Variants in ALK observed in about 807,000 individuals in gnomAD.
ALK encodes the protein ALK tyrosine kinase receptor.
A neutral mutation model predicts 163.1 loss-of-function variants in ALK; 74 were observed. That is an observed-to-expected ratio of 0.45 (90% confidence interval 0.38 to 0.55). The LOEUF (loss-of-function observed/expected upper bound fraction) is 0.55, where lower values mean the gene tolerates loss of function less well. Among genes scored for constraint, ALK ranks in the 20% least tolerant of loss-of-function variants. The probability of loss-of-function intolerance (pLI) is 0.00; values close to 1 mark genes in which losing one functional copy is unlikely to be tolerated. For synonymous variants in ALK, 960 were observed against 843.2 expected (o/e 1.14, Z -2.40); for missense variants, 2,063 against 2,105.3 (o/e 0.98, Z 0.39).
Position 29,831,000 on chromosome 2 carries a change from GAA to G in ALK, c.667+88991_667+88992del, listed in dbSNP as rs1459595876. ...AGAAGAAGAAGAAGAAGAAGAAGAA[GAA>G]GAAGAAGAAGGGGAAGAGGAAGGGG... is the stretch of plus-strand genomic sequence containing the variant. On this transcript the variant is annotated intron_variant, in intron 1 of 28. Transcript: ENST00000389048. Among the ~76,000 whole-genome samples, 156 of 54,736 alleles carry G rather than the reference GAA, an allele frequency of 2.9e-3. 5 individuals are homozygous for G. Among genetic ancestry groups the G allele is most frequent in the East Asian group, 5.2e-3 (4 of 774 alleles). The allele number at this position is 54,736 out of a possible 152,430, so 35.9% of individuals were successfully genotyped here. A position where few individuals can be genotyped will look rare whatever the true frequency, so the allele number is the denominator to read the frequency against.
rs755697363 is a variant in ALK, at chr2:29,920,032, C to T, written c.628G>A (p.Ala210Thr). 14 of 1,614,132 alleles carry T rather than the reference C, an allele frequency of 8.7e-6. No individual in the cohort carries two copies. The South Asian group carries it at 1.2e-4, about 14-fold the overall frequency. ...REGRLSAAIRASQPRLLFQIF... is the reference protein window; with the variant it reads ...REGRLSAAIRTSQPRLLFQIF... ...TGGAAGAGAAGGCGGGGCTGGGAGG[C>T]GCGAATTGCCGCGGACAGCCTTCCC... is the stretch of plus-strand genomic sequence containing the variant. The change falls in exon 1 of 29, where the codon GCC becomes ACC. Residue 210 changes from alanine (A) to threonine (T), a missense_variant. Ala to Thr is a moderately conservative substitution (Grantham distance 58). Transcript: ENST00000389048.
chr2:29,829,413 T>A (rs1413062926), intron 1 of ALK, among the ~76,000 whole-genome samples: 1 of 152,154 alleles, frequency 6.6e-6, no homozygotes, highest in African/African-American at 2.4e-5. Context: ...TAGTGTCTCT[T>A]TCAAGGCTGG....
chr2:29,718,613 C>T (rs576781869), intron 1 of ALK, among the ~76,000 whole-genome samples: 12 of 152,310 alleles, frequency 7.9e-5, no homozygotes, highest in South Asian at 6.2e-4. Context: ...CCGGAACAGA[C>T]GCCATGCTGG....
At chr2:29,834,199 A>G (rs116444890) in intron 1 of ALK, among the ~76,000 whole-genome samples, 64 of 152,308 alleles carry the variant, frequency 4.2e-4, no homozygotes, top group African/African-American at 1.4e-3. Context: ...TTCTCAGCCA[A>G]TGATGTTTGG....
chr2:29,688,635 G>A (rs990181278), intron 3 of ALK, among the ~76,000 whole-genome samples: 9 of 152,256 alleles, frequency 5.9e-5, no homozygotes, highest in African/African-American at 2.2e-4. Context: ...GGTAGTCCCA[G>A]TTTAGATCAT....
At chr2:29,679,584 T>C (rs1280402703) in intron 3 of ALK, among the ~76,000 whole-genome samples, 1 of 151,914 alleles carries the variant, frequency 6.6e-6, no homozygotes, top group East Asian at 1.9e-4. Context: ...TACTAAAATA[T>C]AGAAATTTTG....
At chr2:29,406,026 G>A (rs990194441) in intron 4 of ALK, among the ~76,000 whole-genome samples, 1 of 152,126 alleles carries the variant, frequency 6.6e-6, no homozygotes, top group African/African-American at 2.4e-5. Context: ...GAGCTCAAAG[G>A]CCATTAATAG....
chr2:29,561,812 AT>A (rs1674030719), intron 3 of ALK, among the ~76,000 whole-genome samples: 1 of 152,114 alleles, frequency 6.6e-6, no homozygotes, highest in Admixed American at 6.5e-5. Context: ...CCCCATGAAA[AT>A]GACCGGGGCC....
chr2:29,337,017 G>A (rs1292396313), intron 5 of ALK, among the ~76,000 whole-genome samples: 1 of 152,178 alleles, frequency 6.6e-6, no homozygotes, highest in African/African-American at 2.4e-5. Flanking sequence ...ACTGGGCCAT[G>A]ATCTGGACTA....
intron 3 of ALK, among the ~76,000 whole-genome samples, chr2:29,663,616 T>C (rs77005375): frequency 8.8e-4 from 134 of 152,286 alleles, no homozygotes; most frequent in African/African-American, 3.1e-3. Context: ...GTATTGTGTG[T>C]CTAAGACATA....
intron 3 of ALK, among the ~76,000 whole-genome samples, chr2:29,578,666 G>A (rs1674592868): frequency 6.6e-6 from 1 of 152,188 alleles, no homozygotes; most frequent in Non-Finnish European, 1.5e-5. Context: ...AGGGGTATGT[G>A]ATGATGAAGG....
intron 3 of ALK, among the ~76,000 whole-genome samples, chr2:29,674,595 T>C (rs1392725168): frequency 6.6e-6 from 1 of 151,312 alleles, no homozygotes; most frequent in Non-Finnish European, 1.5e-5. Flanking sequence ...TATTGAGGAT[T>C]TTTGCATCAA....
chr2:29,361,976 C>T (rs1668398544), intron 5 of ALK, among the ~76,000 whole-genome samples: 1 of 152,050 alleles, frequency 6.6e-6, no homozygotes, highest in African/African-American at 2.4e-5. Context: ...CTGACCCTGC[C>T]CCAAGTAATG....
chr2:29,448,289 C>A (rs1279221923), intron 4 of ALK, among the ~76,000 whole-genome samples: 1 of 152,212 alleles, frequency 6.6e-6, no homozygotes, highest in Non-Finnish European at 1.5e-5. Context: ...AGCCCACAGA[C>A]TTAATATACG....
At chr2:29,245,757 G>A (rs1017155335) in intron 12 of ALK, among the ~76,000 whole-genome samples, 1 of 144,788 alleles carries the variant, frequency 6.9e-6, no homozygotes, top group East Asian at 2.1e-4. Flanking sequence ...AGGGCTTTAT[G>A]GCTCAGTGCC....
In ALK at chr2:29,835,247, T is replaced by G. The variant is rs369702934; in HGVS notation, c.667+84746A>C. On this transcript the variant is annotated intron_variant, in intron 1 of 28. Transcript: ENST00000389048. The stretch of plus-strand genomic sequence containing the variant: ...GAAAGTAGCAGAGAATGTAAACGTT[T>G]TGGGGTAAAATTCAGTGGCCATATT... Among the ~76,000 whole-genome samples the G allele has an allele frequency of 7.2e-5, 11 of 152,282 alleles. 1 individual carries two copies. Among genetic ancestry groups the G allele is most frequent in the African/African-American group, 2.6e-4 (11 of 41,560 alleles).
intron 4 of ALK, among the ~76,000 whole-genome samples, chr2:29,504,538 G>A (rs563052624): frequency 6.6e-6 from 1 of 152,236 alleles, no homozygotes; most frequent in Admixed American, 6.5e-5. Flanking sequence ...GTAGGAGGGA[G>A]GGGCAAGTGG....
chr2:29,906,966 T>C (rs1667568030), intron 1 of ALK, among the ~76,000 whole-genome samples: 1 of 65,390 alleles, frequency 1.5e-5, no homozygotes, highest in Admixed American at 2.0e-4. Context: ...TTTTTTTTTT[T>C]TGAGACAGAA....
intron 4 of ALK, among the ~76,000 whole-genome samples, chr2:29,466,413 A>T (rs1219002276): frequency 6.6e-6 from 1 of 152,170 alleles, no homozygotes; most frequent in Non-Finnish European, 1.5e-5. Context: ...AACACATTTC[A>T]AATATGCCTC....
Sources: gnomAD v4.1 joint callset for allele counts (sites outside exome capture counted in the v4.1 genomes callset) on GRCh38, gnomAD v4.1.1 for gene constraint, MANE v1.5 for transcripts, NCBI Gene and HGNC (gene_info 2026-07-23, HGNC 2026-07-21) for gene names.